The following SERPINE2 variants were observed in gnomAD, a reference collection of about 807,000 sequenced individuals.
SERPINE2 encodes serpin family E member 2.
Under a neutral mutation model 36.3 loss-of-function variants are expected in SERPINE2, and 14 were observed. The ratio of observed to expected loss-of-function variants is 0.39; its 90% CI spans 0.25 to 0.60. The LOEUF (loss-of-function observed/expected upper bound fraction) is 0.60, where lower values mean the gene tolerates loss of function less well. Among genes scored for constraint, SERPINE2 ranks in the 20% least tolerant of loss-of-function variants. SERPINE2 has a pLI of 0.57. For missense variants in SERPINE2, 418 were observed against 499.6 expected, an observed-to-expected ratio of 0.84 and a Z score of 1.56; for synonymous variants, 192 against 191.8, an observed-to-expected ratio of 1.00 and a Z score of -0.01.
chr2:224,024,367 T>C (rs1391359649), intron 1 of SERPINE2, among the ~76,000 whole-genome samples: 1 of 152,228 alleles, frequency 6.6e-6, no homozygotes, highest in Non-Finnish European at 1.5e-5. Context: ...TGTTAAGTGA[T>C]GGGAAACATG....
chr2:224,038,428 T>A, intron 1 of SERPINE2: 1 of 1,412,774 alleles, frequency 7.1e-7, no homozygotes, highest in Non-Finnish European at 9.8e-7. Context: ...CCCGCTCAGT[T>A]TGTGGACACA....
intron 2 of SERPINE2, among the ~76,000 whole-genome samples, chr2:223,999,133 T>A (rs986187613): frequency 2.0e-5 from 3 of 152,190 alleles, no homozygotes; most frequent in Non-Finnish European, 4.4e-5. Flanking sequence ...AAATAAGCAT[T>A]AGAAAGACTA....
intron 1 of SERPINE2, chr2:224,031,555 G>A (rs1438643972): frequency 2.1e-6 from 2 of 948,606 alleles, no homozygotes; most frequent in Non-Finnish European, 2.5e-6. Context: ...GGAAGGGCAT[G>A]TGACCACGTG....
At chr2:223,994,467 AT>A (rs1574822470) in intron 3 of SERPINE2, among the ~76,000 whole-genome samples, 1 of 152,342 alleles carries the variant, frequency 6.6e-6, no homozygotes, top group East Asian at 1.9e-4. Context: ...ACATGCATCT[AT>A]CATCCGTCCG....
intron 4 of SERPINE2, among the ~76,000 whole-genome samples, chr2:223,987,668 A>G (rs148025632): frequency 2.1e-4 from 32 of 152,354 alleles, no homozygotes; most frequent in African/African-American, 7.0e-4. Context: ...ATGGGAGACA[A>G]TAAGTGAAGA....
chr2:224,009,588 C>T (rs1237210779), intron 1 of SERPINE2, among the ~76,000 whole-genome samples: 1 of 151,982 alleles, frequency 6.6e-6, no homozygotes, highest in Non-Finnish European at 1.5e-5. Context: ...CCAGCTACTC[C>T]AGAGGCTGAG....
At chr2:224,028,703 TA>T (rs1692265567) in intron 1 of SERPINE2, among the ~76,000 whole-genome samples, 1 of 152,200 alleles carries the variant, frequency 6.6e-6, no homozygotes, top group Non-Finnish European at 1.5e-5. Flanking sequence ...GGATCGTGTA[TA>T]AAAGATGCCT....
rs1330691881 is a variant in SERPINE2 at position 224,028,360 on chromosome 2, G to A, written c.-23+10739C>T. 6.6e-5 allele frequency among the ~76,000 whole-genome samples: 10 copies of A among 152,304 alleles called. No individual in the cohort carries two copies. In the South Asian group the frequency reaches 2.1e-3, roughly 32 times the overall value. On this transcript the variant is annotated intron_variant, in intron 1 of 8. Transcript: ENST00000409304. Reference sequence around the variant, plus strand: ...AGCTATGGAAATAAAGCACAGAGAGGGAAGTATTTTGCCTAAAGCCACACA... The same window carrying A: ...AGCTATGGAAATAAAGCACAGAGAGAGAAGTATTTTGCCTAAAGCCACACA...
In SERPINE2 at chr2:224,001,833, T is replaced by C. The variant is rs144076616; in HGVS notation, c.68A>G (p.Asn23Ser). The C allele has an allele frequency of 1.6e-5, 26 of 1,613,648 alleles. No homozygotes were observed. The highest frequency in any genetic ancestry group is 6.7e-5 in the African/African-American group (5 of 74,748). The change falls in exon 2 of 9, where the codon AAT becomes AGT. Residue 23 changes from asparagine to serine, a missense_variant. By Grantham distance (46) the Asn-to-Ser change is conservative. Coordinates refer to ENST00000409304, the MANE Select transcript of SERPINE2 (RefSeq NM_001136528.2). Reference protein sequence around the residue: ...VTLPSICSHFNPLSLEELGSN... With the variant: ...VTLPSICSHFSPLSLEELGSN... ...GCCTAGTTCCTCGAGAGACAGAGGA[T>C]TGAAGTGGGAGCAGATGGAAGGCAG...
chr2:223,997,042 G>A (rs926540258), intron 3 of SERPINE2, among the ~76,000 whole-genome samples: 3 of 152,148 alleles, frequency 2.0e-5, no homozygotes, highest in South Asian at 2.1e-4. Context: ...GCACCACTGC[G>A]CTCTAGCCTA....
At chr2:223,998,875 C>A (rs74362729) in intron 2 of SERPINE2, among the ~76,000 whole-genome samples, 4,216 of 152,268 alleles carry the variant, frequency 0.028, 147 homozygotes, top group African/African-American at 0.079. Flanking sequence ...TGCATCAAAA[C>A]AGGAATATTC....
At chr2:224,008,243 A>C (rs932706457) in intron 1 of SERPINE2, among the ~76,000 whole-genome samples, 1 of 152,178 alleles carries the variant, frequency 6.6e-6, no homozygotes, top group Non-Finnish European at 1.5e-5. Context: ...GCCTAAGTGC[A>C]CTGTTTTATT....
At chr2:223,989,954 G>A (rs1690589502) in intron 4 of SERPINE2, among the ~76,000 whole-genome samples, 1 of 152,170 alleles carries the variant, frequency 6.6e-6, no homozygotes, top group Admixed American at 6.5e-5. Flanking sequence ...AAGAAACGGT[G>A]GGCACCATGG....
At chr2:224,005,959 T>G (rs1038629522) in intron 1 of SERPINE2, among the ~76,000 whole-genome samples, 2 of 152,240 alleles carry the variant, frequency 1.3e-5, no homozygotes, top group African/African-American at 4.8e-5. Context: ...TTTCTCTTAC[T>G]TCAAACCTTT....
intron 1 of SERPINE2, among the ~76,000 whole-genome samples, chr2:224,002,267 G>A (rs1302476943): frequency 2.0e-5 from 3 of 148,334 alleles, no homozygotes; most frequent in Non-Finnish European, 4.5e-5. Context: ...GTGAGCCACT[G>A]TACCTGGCCT....
intron 1 of SERPINE2, among the ~76,000 whole-genome samples, chr2:224,018,247 G>A (rs1279446049): frequency 6.6e-6 from 1 of 152,202 alleles, no homozygotes; most frequent in Non-Finnish European, 1.5e-5. Context: ...CCAACCTCAT[G>A]AATAAGGAAG....
intron 1 of SERPINE2, chr2:224,038,375 C>T (rs1692595509): frequency 1.2e-6 from 1 of 820,860 alleles, no homozygotes; most frequent in Non-Finnish European, 2.1e-6. Flanking sequence ...TTCCATAATA[C>T]CTGAAGGTGG....
At chr2:224,015,225 C>T (rs7560399) in intron 1 of SERPINE2, among the ~76,000 whole-genome samples, 1,914 of 152,294 alleles carry the variant, frequency 0.013, 44 homozygotes, top group African/African-American at 0.042. Flanking sequence ...TTAATCAAAT[C>T]GTCTTATTAC....
chr2:224,033,365 TGA>T (rs1327063775), intron 1 of SERPINE2, among the ~76,000 whole-genome samples: 3 of 152,124 alleles, frequency 2.0e-5, no homozygotes, highest in African/African-American at 7.2e-5. Context: ...CTTAAAAAAG[TGA>T]GAGACAAGAA....
Sources: allele counts gnomAD v4.1 joint callset (sites outside exome capture counted in the v4.1 genomes callset), GRCh38; gene constraint gnomAD v4.1.1; transcripts MANE v1.5; gene names NCBI Gene and HGNC (gene_info 2026-07-23, HGNC 2026-07-21).